The following SKOR2 variants were observed in gnomAD, a reference collection of about 807,000 sequenced individuals.
The protein encoded by SKOR2 is LBX1 corepressor 1-like protein.
A neutral mutation model predicts 69.1 loss-of-function variants in SKOR2; 47 were observed. That is an observed-to-expected ratio of 0.68 (90% CI 0.54 to 0.87). The LOEUF (loss-of-function observed/expected upper bound fraction) is 0.87, where lower values mean the gene tolerates loss of function less well. Among genes scored for constraint, SKOR2 ranks in the 40% least tolerant of loss-of-function variants. The probability of loss-of-function intolerance (pLI) is 0.00; values close to 1 mark genes in which losing one functional copy is unlikely to be tolerated. For synonymous variants in SKOR2, 717 were observed against 672.6 expected, an observed-to-expected ratio of 1.07 and a Z score of -1.02; for missense variants, 1,404 against 1,472.2, an observed-to-expected ratio of 0.95 and a Z score of 0.76.
At position 47,247,583 on chromosome 18, in the gene SKOR2, T is replaced by TGCGGGGGCTGCCCCG. The variant is rs1325171377; in HGVS notation, c.1586_1600dup (p.Pro529_Pro533dup). The TGCGGGGGCTGCCCCG allele has an allele frequency of 1.1e-5, 14 of 1,257,238 alleles. No individual in the cohort carries two copies. The highest frequency in any genetic ancestry group is 1.4e-5 in the Non-Finnish European group (14 of 1,003,582). The allele number at this position is 1,257,238 out of a possible 1,614,324, so 77.9% of individuals were successfully genotyped here. ...GGAGCCCGGGCCGTTGGCCACTACC[T>TGCGGGGGCTGCCCCG]GCGGGGGCTGCCCCGGCGGGGGCGC... On this transcript the variant is annotated inframe_insertion, in exon 2 of 9. Transcript: ENST00000425639. This position sits in a 1 kb window ranked among gnomAD's most constrained non-coding sequence, Gnocchi z 6.6.
chr18:47,212,222 T>G (rs1000470300), intron 7 of SKOR2, 71 bp from the exon 8 acceptor site: 2 of 1,198,890 alleles, frequency 1.7e-6, no homozygotes, highest in Non-Finnish European at 2.1e-6. Flanking sequence ...TGGAGACCCT[T>G]CATCATGCCT....
chr18:47,216,888 C>A (rs1314268544), intron 7 of SKOR2, among the ~76,000 whole-genome samples: 1 of 152,036 alleles, frequency 6.6e-6, no homozygotes, highest in Non-Finnish European at 1.5e-5. Context: ...TTTCAGGAAG[C>A]AAAGCATGCA....
rs150121751 is a variant in SKOR2, at chr18:47,220,416, C to T, written c.2918-406G>A. ...GCTGAGCATGGGAAATGCTGCCCCTCCTGCACATAATACCTTCCGGGTAAA... is the reference window on the plus strand; with the variant it reads ...GCTGAGCATGGGAAATGCTGCCCCTTCTGCACATAATACCTTCCGGGTAAA... On this transcript the variant is annotated intron_variant, in intron 6 of 8. Coordinates refer to ENST00000425639, the MANE Select transcript of SKOR2 (RefSeq NM_001278063.4). 9.7e-4 allele frequency among the ~76,000 whole-genome samples: 148 copies of T among 152,242 alleles called. 1 individual carries two copies. The East Asian group carries it at 0.025, about 26-fold the overall frequency.
chr18:47,229,849 C>T (rs1308685528), intron 6 of SKOR2, among the ~76,000 whole-genome samples: 1 of 152,150 alleles, frequency 6.6e-6, no homozygotes, highest in Non-Finnish European at 1.5e-5. Flanking sequence ...TTCCAAGACT[C>T]TGGGAGTAGA....
chr18:47,247,887 C>T lies in SKOR2; in HGVS notation c.1297G>A (p.Ala433Thr). The change falls in exon 2 of 9, where the codon GCC becomes ACC. Residue 433 changes from alanine (A) to threonine (T), a missense_variant. Coordinates refer to ENST00000425639, the MANE Select transcript of SKOR2 (RefSeq NM_001278063.4). This position sits in a 1 kb window ranked among gnomAD's most constrained non-coding sequence, Gnocchi z 6.6. ...CCGCCTGCGCCCGCGCCCCCCAGGG[C>T]CTCAGCGGCGGCACCCGCATCCTCT... Reference protein sequence around the residue: ...KKEDAGAAAEALGGAGAGGAG... With the variant: ...KKEDAGAAAETLGGAGAGGAG... The T allele has an allele frequency of 7.3e-7, 1 of 1,363,510 alleles. No homozygotes were observed. The highest frequency in any genetic ancestry group is 9.4e-7 in the Non-Finnish European group (1 of 1,066,682). 84.5% of individuals were successfully genotyped at this position (1,363,510 alleles called of 1,614,324 possible).
At chr18:47,213,408 T>G (rs2064133975) in intron 7 of SKOR2, among the ~76,000 whole-genome samples, 2 of 147,336 alleles carry the variant, frequency 1.4e-5, no homozygotes, top group Admixed American at 6.8e-5. Context: ...ATATAAATAT[T>G]ATATATATAT....
chr18:47,244,311 G>A (rs2064261622), intron 4 of SKOR2, among the ~76,000 whole-genome samples: 1 of 152,118 alleles, frequency 6.6e-6, no homozygotes, highest in South Asian at 2.1e-4. Flanking sequence ...AAGGCAGTTT[G>A]CATTACATAA....
Position 47,248,602 on chromosome 18 carries a change from G to A in SKOR2, c.582C>T (p.Pro194=), listed in dbSNP as rs746137830. ...CGTCTGGCTGAGTGTACTTGGCGTC[G>A]GGCGTGCGGTGGGAGTGGAAAATGA... ...NKFIFHSHRT[P]DAKYTQPDAA... is the part of the protein sequence containing the mutation. The change falls in exon 2 of 9, where the codon CCC becomes CCT. Residue 194 remains proline (P), a synonymous_variant. Transcript: ENST00000425639. The surrounding 1 kb of genome is among the most constrained non-coding windows in gnomAD (Gnocchi z 6.4). 2.3e-5 allele frequency: 36 copies of A among 1,543,248 alleles called. No individual in the cohort carries two copies. The highest frequency in any genetic ancestry group is 1.7e-4 in the Admixed American group (9 of 51,642).
Position 47,230,566 on chromosome 18 carries a change from AAAAAG to A in SKOR2, c.2819-14_2819-10del, listed in dbSNP as rs1568086534. ...AACCTTCTGAAGTTCTTCTAATAAA[AAAAAG>A]AAGAGTCATTTTACTAATCTTTACA... On this transcript the variant is annotated splice_polypyrimidine_tract_variant and intron_variant, in intron 5 of 8. Transcript: ENST00000425639. 45 of 1,389,788 alleles carry A rather than the reference AAAAAG, an allele frequency of 3.2e-5. No individual in the cohort carries two copies. Among genetic ancestry groups the A allele is most frequent in the Non-Finnish European group, 4.1e-5 (44 of 1,072,504 alleles). 86.1% of individuals were successfully genotyped at this position (1,389,788 alleles called of 1,614,324 possible).
intron 4 of SKOR2, among the ~76,000 whole-genome samples, chr18:47,238,320 C>CTTTTTTTT (rs772229985): frequency 1.2e-4 from 13 of 108,040 alleles, no homozygotes; most frequent in Non-Finnish European, 1.6e-4. Context: ...CTTTTCTTTT[C>CTTTTTTTT]TTTTTTTTTT....
At chr18:47,245,634 GAAGAA>G in intron 2 of SKOR2, 73 bp from the exon 3 acceptor site, 1 of 1,373,892 alleles carries the variant, frequency 7.3e-7, no homozygotes, top group South Asian at 1.4e-5. Flanking sequence ...CAGTCAGCAG[GAAGAA>G]GCATCAATAA....
intron 7 of SKOR2, among the ~76,000 whole-genome samples, chr18:47,213,095 G>C (rs929320672): frequency 6.6e-6 from 1 of 151,980 alleles, no homozygotes; most frequent in East Asian, 1.9e-4. Flanking sequence ...GATCACAGTT[G>C]GTATGCTACT....
chr18:47,207,933 T>C (rs1291292256), intron 8 of SKOR2, among the ~76,000 whole-genome samples: 2 of 152,170 alleles, frequency 1.3e-5, no homozygotes, highest in Non-Finnish European at 2.9e-5. Flanking sequence ...GGTCATGCCC[T>C]TGGGTGTTAC....
At chr18:47,211,292 C>T (rs2064127109) in intron 8 of SKOR2, among the ~76,000 whole-genome samples, 4 of 152,156 alleles carry the variant, frequency 2.6e-5, no homozygotes, top group South Asian at 2.1e-4. Context: ...CTAACAAATG[C>T]TACCTTTTGC....
intron 7 of SKOR2, among the ~76,000 whole-genome samples, chr18:47,218,726 A>G (rs1281149368): frequency 2.6e-5 from 4 of 152,174 alleles, no homozygotes; most frequent in African/African-American, 9.7e-5. Flanking sequence ...ATACATTCAC[A>G]GCAGTAATTA....
At position 47,248,151 on chromosome 18, in the gene SKOR2, C is replaced by T. The variant is rs1433874174; in HGVS notation, c.1033G>A (p.Ala345Thr). Reference sequence around the variant, plus strand: ...CCAGCGCCGCCCCCACCAGTCCCCGCGCCGCCCGAAGCAGCAGCCACAGAG... The same window carrying T: ...CCAGCGCCGCCCCCACCAGTCCCCGTGCCGCCCGAAGCAGCAGCCACAGAG... ...SLSVAAASGG[A>T]GTGGGGAGGG... Residue 345 changes from alanine to threonine, a missense_variant, in exon 2 of 9, where the codon GCG becomes ACG. Ala to Thr is a moderately conservative substitution (Grantham distance 58). Coordinates refer to ENST00000425639, the MANE Select transcript of SKOR2 (RefSeq NM_001278063.4). The surrounding 1 kb of genome is among the most constrained non-coding windows in gnomAD (Gnocchi z 6.4). 2.4e-6 allele frequency: 3 copies of T among 1,259,778 alleles called. No individual in the cohort carries two copies. The highest frequency in any genetic ancestry group is 3.0e-6 in the Non-Finnish European group (3 of 1,009,676). The allele number at this position is 1,259,778 out of a possible 1,614,324, so 78.0% of individuals were successfully genotyped here.
At chr18:47,229,679 A>C (rs1038166384) in intron 6 of SKOR2, among the ~76,000 whole-genome samples, 25 of 152,176 alleles carry the variant, frequency 1.6e-4, no homozygotes, top group Non-Finnish European at 4.4e-5. Flanking sequence ...ATAAGTTTGC[A>C]TACTATTTTC....
At chr18:47,221,806 T>A (rs1479638969) in intron 6 of SKOR2, among the ~76,000 whole-genome samples, 2 of 152,208 alleles carry the variant, frequency 1.3e-5, no homozygotes, top group African/African-American at 4.8e-5. Context: ...GAAGATACGT[T>A]TAGACACTTT....
rs568565349 is a variant in SKOR2, at chr18:47,247,178, G to GGGT, written c.2003_2005dup (p.His668dup). The stretch of plus-strand genomic sequence containing the variant: ...CAGAAGCGGCGACGGCGGCTGCGGG[G>GGGT]GGTGGTGGTGGTGGTGGTGGTGGTG... On this transcript the variant is annotated inframe_insertion, in exon 2 of 9. Transcript: ENST00000425639. The surrounding 1 kb of genome is among the most constrained non-coding windows in gnomAD (Gnocchi z 6.6). 4.2e-3 allele frequency: 5,342 copies of GGGT among 1,278,858 alleles called. 105 individuals carry two copies. In the African/African-American group the frequency reaches 0.06, roughly 14 times the overall value. The allele number at this position is 1,278,858 out of a possible 1,614,324, so 79.2% of individuals were successfully genotyped here. A position where few individuals can be genotyped will look rare whatever the true frequency, so the allele number is the denominator to read the frequency against.
Sources: allele counts gnomAD v4.1 joint callset (sites outside exome capture counted in the v4.1 genomes callset), GRCh38; gene constraint gnomAD v4.1.1; non-coding constraint Gnocchi (gnomAD v3.1); transcripts MANE v1.5; gene names NCBI Gene and HGNC (gene_info 2026-07-23, HGNC 2026-07-21).